Variants in GPHN observed in about 807,000 individuals in gnomAD.
The protein encoded by GPHN is gephyrin.
A neutral mutation model predicts 95.5 loss-of-function variants in GPHN; 17 were observed. That is an observed-to-expected ratio of 0.18 (90% CI 0.12 to 0.27). The LOEUF is 0.27. GPHN is among the 10% of genes least tolerant of loss of function. The pLI, the probability that GPHN is intolerant of heterozygous loss-of-function variation, is 1.00. For missense variants in GPHN, 660 were observed against 978.1 expected, an observed-to-expected ratio of 0.67 and a Z score of 4.34; for synonymous variants, 320 against 322.5, an observed-to-expected ratio of 0.99 and a Z score of 0.08.
intron 1 of GPHN, among the ~76,000 whole-genome samples, chr14:66,601,856 T>C (rs763143201): frequency 1.1e-4 from 16 of 151,950 alleles, no homozygotes; most frequent in Non-Finnish European, 2.1e-4. Context: ...TGTTTTTCAA[T>C]GCATCTCATT....
At chr14:67,569,275 C>T in the GPHN span, 70 of 1,268,344 alleles carry the variant, frequency 5.5e-5, no homozygotes, top group Middle Eastern at 1.9e-4. Context: ...GGTGGGCAAG[C>T]GGGGAGGAGA....
intron 1 of GPHN, among the ~76,000 whole-genome samples, chr14:66,515,604 G>C (rs2058209742): frequency 6.6e-6 from 1 of 152,088 alleles, no homozygotes. Context: ...TGTTGATTCT[G>C]GTGATCAAAA....
rs191272918 is a variant in GPHN, at chr14:66,730,453, T to C, written c.144-46011T>C. Among the ~76,000 whole-genome samples, 105 of 152,352 alleles carry C rather than the reference T, an allele frequency of 6.9e-4. 1 individual carries two copies. In the East Asian group the frequency reaches 0.02, roughly 29 times the overall value. On this transcript the variant is annotated intron_variant, in intron 2 of 22. Coordinates refer to ENST00000478722, the MANE Select transcript of GPHN (RefSeq NM_020806.5). Reference sequence around the variant, plus strand: ...TAGAAAATAGGGAAAATCCAGTATCTTTATTCCTTCTTGGTCAGAAATAAA... The same window carrying C: ...TAGAAAATAGGGAAAATCCAGTATCCTTATTCCTTCTTGGTCAGAAATAAA...
intron 13 of GPHN, among the ~76,000 whole-genome samples, chr14:67,108,108 C>T (rs1458362884): frequency 6.6e-6 from 1 of 152,166 alleles, no homozygotes; most frequent in Non-Finnish European, 1.5e-5. Flanking sequence ...ATCTGCAGCA[C>T]CCAGGAGCTA....
the GPHN span, among the ~76,000 whole-genome samples, chr14:67,457,032 A>G: frequency 6.6e-6 from 1 of 152,226 alleles, no homozygotes; most frequent in Non-Finnish European, 1.5e-5. Flanking sequence ...CCGAAACAGA[A>G]AAGCAAATAC....
intron 1 of GPHN, among the ~76,000 whole-genome samples, chr14:66,583,885 A>G (rs1392411265): frequency 2.0e-5 from 3 of 151,854 alleles, no homozygotes; most frequent in African/African-American, 7.2e-5. Context: ...TTTTGGTTCC[A>G]TATGAACTTT....
the GPHN span, chr14:67,302,285 ATAAAT>A: frequency 9.3e-7 from 1 of 1,072,274 alleles, no homozygotes; most frequent in Non-Finnish European, 1.2e-6. Flanking sequence ...AGTTGTGTAA[ATAAAT>A]TTTTTCTTAA....
At chr14:67,008,979 G>GA (rs2072797301) in intron 9 of GPHN, among the ~76,000 whole-genome samples, 2 of 152,068 alleles carry the variant, frequency 1.3e-5, no homozygotes, top group Admixed American at 1.3e-4. Context: ...AATGTGAAGA[G>GA]AAAAAAATTG....
chr14:67,148,654 G>A (rs1197533292), intron 18 of GPHN, among the ~76,000 whole-genome samples: 6 of 139,602 alleles, frequency 4.3e-5, no homozygotes, highest in Admixed American at 7.9e-5. Flanking sequence ...TCCGCCTCCC[G>A]GGTTCATGCC....
chr14:67,531,910 CAAAAA>C, the GPHN span, among the ~76,000 whole-genome samples: 40 of 79,606 alleles, frequency 5.0e-4, no homozygotes, highest in Non-Finnish European at 4.9e-4. Context: ...AACCTATGTC[CAAAAA>C]AAAAAAAAAA....
At chr14:66,851,934 GA>G (rs1215210698) in intron 4 of GPHN, among the ~76,000 whole-genome samples, 7 of 152,138 alleles carry the variant, frequency 4.6e-5, no homozygotes, top group Non-Finnish European at 1.0e-4. Context: ...TGTAGGTGGG[GA>G]TAGAAAGGGA....
At chr14:67,638,834 CA>C in the GPHN span, among the ~76,000 whole-genome samples, 1 of 152,188 alleles carries the variant, frequency 6.6e-6, no homozygotes, top group Non-Finnish European at 1.5e-5. Flanking sequence ...CTGGATCAAC[CA>C]AAATGCCCGT....
At chr14:66,557,282 T>TAGATAGATAGATAGAA (rs1555342980) in intron 1 of GPHN, among the ~76,000 whole-genome samples, 103 of 147,236 alleles carry the variant, frequency 7.0e-4, no homozygotes, top group African/African-American at 2.2e-3. Context: ...GATAGATAGA[T>TAGATAGATAGATAGAA]AGAATGAATT....
the GPHN span, among the ~76,000 whole-genome samples, chr14:67,661,086 ACAAG>A: frequency 6.6e-6 from 1 of 152,050 alleles, no homozygotes; most frequent in African/African-American, 2.4e-5. Context: ...CTGATCTTCA[ACAAG>A]CAAGAAGGAA....
chr14:67,212,596 A>AT, the GPHN span, among the ~76,000 whole-genome samples: 3 of 137,772 alleles, frequency 2.2e-5, no homozygotes, highest in African/African-American at 8.1e-5. Context: ...GTTGAAAAAA[A>AT]AAATATATAT....
chr14:66,827,586 AT>A (rs1006139268), intron 4 of GPHN, among the ~76,000 whole-genome samples: 3 of 146,076 alleles, frequency 2.1e-5, no homozygotes, highest in Non-Finnish European at 2.9e-5. Flanking sequence ...ATAAGAGTTA[AT>A]TTTTTTTATT....
At chr14:67,433,896 C>T in the GPHN span, among the ~76,000 whole-genome samples, 1 of 152,180 alleles carries the variant, frequency 6.6e-6, no homozygotes, top group African/African-American at 2.4e-5. Context: ...TGTGTTTCCA[C>T]TGTGATGAGA....
chr14:66,962,215 G>A (rs1275857004), intron 8 of GPHN, among the ~76,000 whole-genome samples: 1 of 150,222 alleles, frequency 6.7e-6, no homozygotes, highest in Non-Finnish European at 1.5e-5. Context: ...CCTTTTTCTA[G>A]TATCTGTGTT....
At chr14:67,710,135 C>T in the GPHN span, among the ~76,000 whole-genome samples, 1 of 152,182 alleles carries the variant, frequency 6.6e-6, no homozygotes, top group African/African-American at 2.4e-5. Flanking sequence ...TGATTGATGT[C>T]TCATGTCTCC....
Sources: allele counts gnomAD v4.1 joint callset (sites outside exome capture counted in the v4.1 genomes callset), GRCh38; gene constraint gnomAD v4.1.1; transcripts MANE v1.5; gene names NCBI Gene and HGNC (gene_info 2026-07-23, HGNC 2026-07-21).